The following GMEB2 variants were observed in gnomAD, a reference collection of about 807,000 sequenced individuals.
GMEB2 encodes the protein glucocorticoid modulatory element-binding protein 2.
Under a neutral mutation model 45.7 loss-of-function variants are expected in GMEB2, and 7 were observed. That is an observed-to-expected ratio of 0.15 (90% CI 0.09 to 0.29). GMEB2 has a LOEUF of 0.29. GMEB2 is among the 10% of genes least tolerant of loss of function. The pLI is 1.00. For synonymous variants in GMEB2, 322 were observed against 323.6 expected (o/e 1.00, Z 0.05); for missense variants, 582 against 739.2 (o/e 0.79, Z 2.47).
At chr20:63,605,486 G>A (rs541556675) in intron 2 of GMEB2, among the ~76,000 whole-genome samples, 21 of 148,226 alleles carry the variant, frequency 1.4e-4, no homozygotes, top group Non-Finnish European at 2.5e-4. Context: ...TTGTGTCACC[G>A]CACTCCAGCC....
intron 5 of GMEB2, among the ~76,000 whole-genome samples, chr20:63,597,164 G>GTTTTTTTT (rs10627120): frequency 7.5e-6 from 1 of 132,648 alleles, no homozygotes; most frequent in African/African-American, 2.8e-5. Flanking sequence ...TTTTATTCTT[G>GTTTTTTTT]TTTTTTTTTT....
chr20:63,600,332 AC>A lies in GMEB2; in HGVS notation c.358-2473del, dbSNP rs2083232811. Reference sequence around the variant, plus strand: ...AGTGCTGGGATTACAGGCGTGAGTCACCATGCCCAGCCTACATTTTTTTCTG... The same window carrying A: ...AGTGCTGGGATTACAGGCGTGAGTCACATGCCCAGCCTACATTTTTTTCTG... On this transcript the variant is annotated intron_variant, in intron 4 of 9. Transcript: ENST00000370077. Among the ~76,000 whole-genome samples the A allele has an allele frequency of 2.0e-5, 3 of 150,300 alleles. No homozygotes were observed. In the South Asian group the frequency reaches 6.5e-4, roughly 33 times the overall value.
rs1288464210 is a variant in GMEB2, at chr20:63,607,234, C to T, written c.132-2394G>A. ...CATTTCTAGAAACATGCCCCTCTGACCCACCTCCATTTCTAGAAACATGCC... is the reference window on the plus strand; with the variant it reads ...CATTTCTAGAAACATGCCCCTCTGATCCACCTCCATTTCTAGAAACATGCC... On this transcript the variant is annotated intron_variant, in intron 2 of 9. Transcript: ENST00000370077. Among the ~76,000 whole-genome samples the T allele has an allele frequency of 6.1e-3, 693 of 113,560 alleles. 1 individual carries two copies. The highest frequency in any genetic ancestry group is 0.011 in the Non-Finnish European group (551 of 51,680). 74.5% of individuals were successfully genotyped at this position (113,560 alleles called of 152,430 possible). A position where few individuals can be genotyped will look rare whatever the true frequency, so the allele number is the denominator to read the frequency against.
intron 4 of GMEB2, among the ~76,000 whole-genome samples, chr20:63,598,695 G>T (rs549551033): frequency 2.0e-5 from 3 of 152,108 alleles, no homozygotes; most frequent in African/African-American, 4.8e-5. Flanking sequence ...TGCCACAGAC[G>T]GGAACACTAA....
rs1377372476 is a variant in GMEB2 at position 63,592,933 on chromosome 20, CCT to C, written c.691+76_691+77del. On this transcript the variant is annotated intron_variant, in intron 7 of 9. Coordinates refer to ENST00000370077, the MANE Select transcript of GMEB2 (RefSeq NM_012384.5). This position sits in a 1 kb window ranked among gnomAD's most constrained non-coding sequence, Gnocchi z 8.2. Reference sequence around the variant, plus strand: ...CGGCCCCACCTGGACTCCTGGAGCCCCTGTGTGGCCCGAGGTGGGCAGAGACT... The same window carrying C: ...CGGCCCCACCTGGACTCCTGGAGCCCGTGTGGCCCGAGGTGGGCAGAGACT... 2.7e-4 allele frequency: 259 copies of C among 955,388 alleles called. No individual in the cohort carries two copies. Among genetic ancestry groups the C allele is most frequent in the Non-Finnish European group, 2.6e-4 (158 of 602,832 alleles). The allele number at this position is 955,388 out of a possible 1,614,324, so 59.2% of individuals were successfully genotyped here. A position where few individuals can be genotyped will look rare whatever the true frequency, so the allele number is the denominator to read the frequency against.
At chr20:63,603,826 G>C (rs1465462311) in intron 3 of GMEB2, among the ~76,000 whole-genome samples, 1 of 152,036 alleles carries the variant, frequency 6.6e-6, no homozygotes, top group Non-Finnish European at 1.5e-5. Context: ...GCCCAGGTGG[G>C]TGGATCACCT....
chr20:63,619,433 C>G lies in GMEB2; in HGVS notation c.-36G>C. ...AAGGGGACGCCCAGGCCAGCAGCGT[C>G]AGTCCTCCAGGGTCCCAAGTCCTGG... On this transcript the variant is annotated 5_prime_UTR_variant, in exon 2 of 10. Transcript: ENST00000370077. The surrounding 1 kb of genome is among the most constrained non-coding windows in gnomAD (Gnocchi z 4.6). The G allele has an allele frequency of 1.3e-6, 2 of 1,599,392 alleles. No individual in the cohort carries two copies. The highest frequency in any genetic ancestry group is 1.7e-6 in the Non-Finnish European group (2 of 1,176,596).
chr20:63,615,516 G>A (rs993170468), intron 2 of GMEB2, among the ~76,000 whole-genome samples: 17 of 151,934 alleles, frequency 1.1e-4, no homozygotes, highest in African/African-American at 3.4e-4. Context: ...TTGTAGAGAC[G>A]AGGTTTCACT....
At chr20:63,606,934 G>A (rs1050086673) in intron 2 of GMEB2, among the ~76,000 whole-genome samples, 4 of 152,194 alleles carry the variant, frequency 2.6e-5, no homozygotes, top group Non-Finnish European at 5.9e-5. Flanking sequence ...GAGAGTCTTG[G>A]GATGGTGGTG....
At chr20:63,602,889 G>A in intron 4 of GMEB2, 76 bp downstream of exon 4, 7 of 1,396,092 alleles carry the variant, frequency 5.0e-6, no homozygotes, top group Non-Finnish European at 7.0e-6. Flanking sequence ...GATGCACTCA[G>A]CACAGCTGCA....
At chr20:63,620,706 G>C (rs888828985) in intron 1 of GMEB2, among the ~76,000 whole-genome samples, 3 of 152,216 alleles carry the variant, frequency 2.0e-5, no homozygotes, top group Admixed American at 2.0e-4. Context: ...ACACAGGAAC[G>C]GGGTGCAAAA....
chr20:63,609,064 C>CT (rs2089545613), intron 2 of GMEB2, among the ~76,000 whole-genome samples: 1 of 44,716 alleles, frequency 2.2e-5, no homozygotes, highest in Non-Finnish European at 6.0e-5. Flanking sequence ...GAAACATGCC[C>CT]CTGACCCCAC....
intron 2 of GMEB2, among the ~76,000 whole-genome samples, chr20:63,618,353 C>G (rs1226264077): frequency 1.3e-5 from 2 of 152,166 alleles, no homozygotes; most frequent in African/African-American, 4.8e-5. Context: ...GATCACACAA[C>G]AGCCTCCACC....
In GMEB2 at chr20:63,624,154, C is replaced by T. The variant is rs778342408; in HGVS notation, c.-58+2802G>A. Among the ~76,000 whole-genome samples, 43 of 151,514 alleles carry T rather than the reference C, an allele frequency of 2.8e-4. 1 individual carries two copies. Among genetic ancestry groups the T allele is most frequent in the Non-Finnish European group, 5.7e-4 (39 of 67,914 alleles). On this transcript the variant is annotated intron_variant, in intron 1 of 9. Transcript: ENST00000370077. Reference sequence around the variant, plus strand: ...AAATTTGGCCAGGCGTGGTGGCTCACGCCTGTAATCCCATCACTTTGGAAG... The same window carrying T: ...AAATTTGGCCAGGCGTGGTGGCTCATGCCTGTAATCCCATCACTTTGGAAG...
intron 3 of GMEB2, among the ~76,000 whole-genome samples, chr20:63,604,359 C>G (rs892381363): frequency 2.6e-5 from 4 of 152,172 alleles, no homozygotes; most frequent in Non-Finnish European, 5.9e-5. Flanking sequence ...GCCTGGGCAA[C>G]AGAACAAGAC....
chr20:63,598,679 C>T (rs916041735), intron 4 of GMEB2, among the ~76,000 whole-genome samples: 4 of 152,154 alleles, frequency 2.6e-5, no homozygotes, highest in East Asian at 3.9e-4. Flanking sequence ...CCTCTCATGA[C>T]CCCTGTGCCA....
Position 63,600,416 on chromosome 20 carries a change from T to C in GMEB2, c.357+2549A>G, listed in dbSNP as rs150400441. 3.8e-4 allele frequency among the ~76,000 whole-genome samples: 57 copies of C among 150,104 alleles called. No homozygotes were observed. In the East Asian group the frequency reaches 0.011, roughly 30 times the overall value. On this transcript the variant is annotated intron_variant, in intron 4 of 9. Transcript: ENST00000370077. ...CAGCTGCCTTGCTCTTCGGCTTTTG[T>C]CCCCATTAAGACTGCAGCAGGCCGG...
Position 63,588,141 on chromosome 20 carries a change from T to A in GMEB2, c.*1948A>T, listed in dbSNP as rs1039984435. ...TGAAGCTGGTTGTGGCTTATTTTTG[T>A]ATGGCTCTGAAATTAACTTCCTCTC... On this transcript the variant is annotated 3_prime_UTR_variant, in exon 10 of 10. Coordinates refer to ENST00000370077, the MANE Select transcript of GMEB2 (RefSeq NM_012384.5). 1 of 152,398 alleles carries A rather than the reference T, an allele frequency of 6.6e-6. No individual in the cohort carries two copies. The highest frequency in any genetic ancestry group is 2.4e-5 in the African/African-American group (1 of 41,454). 9.4% of individuals were successfully genotyped at this position (152,398 alleles called of 1,614,324 possible). A position where few individuals can be genotyped will look rare whatever the true frequency, so the allele number is the denominator to read the frequency against.
In GMEB2 at chr20:63,593,395, ACTTTCGACTG is replaced by A. The variant is rs2083167092; in HGVS notation, c.620-323_620-314del. On this transcript the variant is annotated intron_variant, in intron 6 of 9. Coordinates refer to ENST00000370077, the MANE Select transcript of GMEB2 (RefSeq NM_012384.5). The surrounding 1 kb of genome is among the most constrained non-coding windows in gnomAD (Gnocchi z 4.7). The stretch of plus-strand genomic sequence containing the variant: ...CCATTTACGATTGTACTCAACAAGC[ACTTTCGACTG>A]GACCGTCAGGAGCGAGACAAGGTGA... Among the ~76,000 whole-genome samples the A allele has an allele frequency of 6.6e-6, 1 of 152,002 alleles. No homozygotes were observed. The highest frequency in any genetic ancestry group is 2.4e-5 in the African/African-American group (1 of 41,404).
Sources: gnomAD v4.1 joint callset for allele counts (sites outside exome capture counted in the v4.1 genomes callset) on GRCh38, gnomAD v4.1.1 for gene constraint, Gnocchi (gnomAD v3.1) non-coding constraint, MANE v1.5 for transcripts, NCBI Gene and HGNC (gene_info 2026-07-23, HGNC 2026-07-21) for gene names.